TEP1: variants seen among roughly 807,000 people sequenced by gnomAD.
TEP1 encodes the protein telomerase associated protein 1, also known as telomerase protein component 1.
A neutral mutation model predicts 306.3 loss-of-function variants in TEP1; 241 were observed. The ratio of observed to expected loss-of-function variants is 0.79; its 90% CI spans 0.71 to 0.88. TEP1 has a LOEUF of 0.88. Ranked by LOEUF, TEP1 falls within the 40% of genes least tolerant of loss-of-function variation. The pLI is 0.00. For missense variants in TEP1, 3,051 were observed against 3,276.1 expected (o/e 0.93, Z 1.68); for synonymous variants, 1,289 against 1,305.5 (o/e 0.99, Z 0.27).
chr14:20,405,671 A>G, intron 3 of TEP1, 86 bp from the exon 4 acceptor site: 1 of 1,496,284 alleles, frequency 6.7e-7, no homozygotes, highest in South Asian at 1.3e-5. Context: ...TACAAAGTCA[A>G]GGACAGAGAG....
In TEP1 at chr14:20,380,321, G is replaced by A. The variant is rs1312932475; in HGVS notation, c.4917C>T (p.His1639=). 2 of 1,614,200 alleles carry A rather than the reference G, an allele frequency of 1.2e-6. No homozygotes were observed. Among genetic ancestry groups the A allele is most frequent in the Non-Finnish European group, 1.7e-6 (2 of 1,180,038 alleles). The change falls in exon 34 of 55, where the codon CAC becomes CAT. Residue 1639 remains histidine (H), a synonymous_variant. Transcript: ENST00000262715. ...ANQPLDSPLC[H]QASLLSRRWH... is the part of the protein sequence containing the mutation. Reference sequence around the variant, plus strand: ...ATCTCCGGGAGAGCAGCGAGGCTTGGTGGCAAAGAGGTGAGTCCAGGGGCT... The same window carrying A: ...ATCTCCGGGAGAGCAGCGAGGCTTGATGGCAAAGAGGTGAGTCCAGGGGCT...
intron 12 of TEP1, among the ~76,000 whole-genome samples, chr14:20,392,495 A>G (rs1877810919): frequency 6.6e-6 from 1 of 152,224 alleles, no homozygotes; most frequent in Non-Finnish European, 1.5e-5. Flanking sequence ...ACAAAAACAG[A>G]AAAACAAGTT....
At chr14:20,380,822 CT>C in intron 33 of TEP1, 108 bp downstream of exon 33, 1 of 946,010 alleles carries the variant, frequency 1.1e-6, no homozygotes, top group Non-Finnish European at 1.6e-6. Flanking sequence ...AAATTTGAAT[CT>C]TTTTTCCCTG....
rs367581679 is a variant in TEP1, at chr14:20,383,244, C to G, written c.3977G>C (p.Arg1326Pro). 1 of 1,614,018 alleles carries G rather than the reference C, an allele frequency of 6.2e-7. No individual in the cohort carries two copies. Among genetic ancestry groups the G allele is most frequent in the Non-Finnish European group, 8.5e-7 (1 of 1,179,990 alleles). The change falls in exon 27 of 55, where the codon CGG becomes CCG. Residue 1326 changes from arginine to proline, a missense_variant. Physicochemically the swap from Arg to Pro is moderately radical, Grantham distance 103. Coordinates refer to ENST00000262715, the MANE Select transcript of TEP1 (RefSeq NM_007110.5). ...CAGCTCCTCTCTCACCAGCCGGGCC[C>G]GAGCAGAGGCCTCCAGAGGCCCCAA... is the stretch of plus-strand genomic sequence containing the variant. The part of the protein sequence containing the change: ...LALGPLEASA[R>P]ARLVREELAL...
chr14:20,403,842 C>T lies in TEP1; in HGVS notation c.1075G>A (p.Ala359Thr), dbSNP rs34770935. Residue 359 changes from alanine to threonine, a missense_variant, in exon 6 of 55, where the codon GCC becomes ACC. Around this residue, in one of 3 missense-constraint regions of TEP1, gnomAD observed 1,507 missense variants for 1,550.5 expected, o/e 0.97. Transcript: ENST00000262715. Reference sequence around the variant, plus strand: ...TCCGTCATGGCAGTACGGAGACAGGCGGGCAGGGGCACCAGCTTATTCTTA... The same window carrying T: ...TCCGTCATGGCAGTACGGAGACAGGTGGGCAGGGGCACCAGCTTATTCTTA... ...GDKNKLVPLP[A>T]CLRTAMTDKF... 1,022 of 1,614,062 alleles carry T rather than the reference C, an allele frequency of 6.3e-4. 7 individuals are homozygous for T. In the African/African-American group the frequency reaches 0.011, roughly 17 times the overall value.
At position 20,389,294 on chromosome 14, in the gene TEP1, T is replaced by C; in HGVS notation, c.2469A>G (p.Ser823=). ...GILLRRVQYL[S]TDLNPNDVTL... ...TCACATCATTGGGATTCAAATCTGT[T>C]GACCTGGCAAAGGAAGAAGCAGTCA... The change falls in exon 17 of 55, where the codon TCA becomes TCG. Residue 823 remains serine (S), a synonymous_variant. Coordinates refer to ENST00000262715, the MANE Select transcript of TEP1 (RefSeq NM_007110.5). 1 of 1,614,212 alleles carries C rather than the reference T, an allele frequency of 6.2e-7. No homozygotes were observed. Among genetic ancestry groups the C allele is most frequent in the Non-Finnish European group, 8.5e-7 (1 of 1,180,020 alleles).
chr14:20,369,917 A>AGTTTTTT, intron 51 of TEP1, 138 bp from the exon 52 acceptor site: 1 of 589,364 alleles, frequency 1.7e-6, no homozygotes, highest in Non-Finnish European at 2.8e-6. Flanking sequence ...CAAGTGCGCA[A>AGTTTTTT]ATTTTTTTTT....
At chr14:20,401,241 A>C (rs1318141735) in intron 8 of TEP1, 100 bp from the exon 9 acceptor site, 1 of 1,447,686 alleles carries the variant, frequency 6.9e-7, no homozygotes, top group African/African-American at 1.4e-5. Flanking sequence ...GTCTGCCCAA[A>C]TATGCCTAAA....
At position 20,383,806 on chromosome 14, in the gene TEP1, C is replaced by G. The variant is rs763668337; in HGVS notation, c.3647G>C (p.Arg1216Thr). 1 of 1,610,304 alleles carries G rather than the reference C, an allele frequency of 6.2e-7. No homozygotes were observed. The highest frequency in any genetic ancestry group is 8.5e-7 in the Non-Finnish European group (1 of 1,179,344). ...GCCACGCAGATAGGTACAGAGGCGT[C>G]TGAGCAGAGTGAGGGCAAGACCCTG... is the stretch of plus-strand genomic sequence containing the variant. ...PDQGLALTLL[R>T]RLCTYLRGQL... The change falls in exon 25 of 55, where the codon AGA becomes ACA. Residue 1216 changes from arginine (R) to threonine (T), a missense_variant. Coordinates refer to ENST00000262715, the MANE Select transcript of TEP1 (RefSeq NM_007110.5).
At chr14:20,398,081 G>A (rs1317115388) in intron 9 of TEP1, among the ~76,000 whole-genome samples, 5 of 151,224 alleles carry the variant, frequency 3.3e-5, no homozygotes, top group Non-Finnish European at 7.4e-5. Flanking sequence ...ATATTTTTAA[G>A]GTTTATATCA....
In TEP1 at chr14:20,382,023, C is replaced by T; in HGVS notation, c.4314G>A (p.Trp1438Ter). 1.2e-6 allele frequency: 2 copies of T among 1,614,156 alleles called. No individual in the cohort carries two copies. Among genetic ancestry groups the T allele is most frequent in the Non-Finnish European group, 1.7e-6 (2 of 1,180,016 alleles). Reference sequence around the variant, plus strand: ...TCTTAGTCCCCTTCGGTAGTGTCCGCCACACACTCAGCACTCCGTGCAGCT... The same window carrying T: ...TCTTAGTCCCCTTCGGTAGTGTCCGTCACACACTCAGCACTCCGTGCAGCT... ...VDQLHGVLSV[W>*]RTLPKGTKSW... The change falls in exon 30 of 55, where the codon TGG (tryptophan) becomes TGA (stop). Residue 1438 changes from tryptophan to a stop codon, truncating the protein, a stop_gained. Transcript: ENST00000262715. LOFTEE classifies it high-confidence loss of function.
At chr14:20,379,248 T>G in intron 35 of TEP1, 143 bp from the exon 36 acceptor site, 1 of 1,116,666 alleles carries the variant, frequency 9.0e-7, no homozygotes, top group South Asian at 1.6e-5. Context: ...AAGCACACGT[T>G]CAAGTGGGGG....
At chr14:20,395,715 T>C in intron 11 of TEP1, 88 bp from the exon 12 acceptor site, 1 of 1,534,794 alleles carries the variant, frequency 6.5e-7, no homozygotes, top group Non-Finnish European at 8.9e-7. Flanking sequence ...CCCCAACCCT[T>C]GGGGCTGGCA....
In TEP1 at chr14:20,381,252, G is replaced by T. The variant is rs1876502046; in HGVS notation, c.4647+61C>A. The T allele has an allele frequency of 2.0e-6, 3 of 1,521,512 alleles. No individual in the cohort carries two copies. The highest frequency in any genetic ancestry group is 1.4e-5 in the African/African-American group (1 of 72,982). The allele number at this position is 1,521,512 out of a possible 1,614,324, so 94.3% of individuals were successfully genotyped here. A position where few individuals can be genotyped will look rare whatever the true frequency, so the allele number is the denominator to read the frequency against. The stretch of plus-strand genomic sequence containing the variant: ...TGGTGGAGATGGTAACGGGGAGAGG[G>T]GTCTCAGAGCAACCAAAGCACTCAC... On this transcript the variant is annotated intron_variant, in intron 32 of 54. Transcript: ENST00000262715. This position sits in a 1 kb window ranked among gnomAD's most constrained non-coding sequence, Gnocchi z 4.0.
intron 33 of TEP1, 83 bp downstream of exon 33, chr14:20,380,848 G>T: frequency 1.7e-6 from 2 of 1,208,922 alleles, no homozygotes; most frequent in Non-Finnish European, 2.4e-6. Context: ...CCACACCCCT[G>T]CCCCAACCCT....
intron 13 of TEP1, 39 bp from the exon 14 acceptor site, chr14:20,391,135 C>A: frequency 6.2e-7 from 1 of 1,601,880 alleles, no homozygotes; most frequent in South Asian, 1.1e-5. Flanking sequence ...AGCTCCCCTG[C>A]TTTGGAATTC....
At position 20,381,018 on chromosome 14, in the gene TEP1, A is replaced by G; in HGVS notation, c.4675T>C (p.Ser1559Pro). 6.2e-7 allele frequency: 1 copy of G among 1,614,128 alleles called. No homozygotes were observed. The highest frequency in any genetic ancestry group is 1.7e-5 in the Admixed American group (1 of 60,008). The part of the protein sequence containing the change: ...LLQSGNRGLL[S>P]KFLTNLHVVA... ...ACATGGAGGTTGGTAAGGAACTTCGAAAGAAGTCCACGGTTCCCGCTCTGG... is the reference window on the plus strand; with the variant it reads ...ACATGGAGGTTGGTAAGGAACTTCGGAAGAAGTCCACGGTTCCCGCTCTGG... Residue 1559 changes from serine to proline, a missense_variant, in exon 33 of 55, where the codon TCG (serine) becomes CCG (proline). Ser to Pro is a moderately conservative substitution (Grantham distance 74). Around this residue, in one of 3 missense-constraint regions of TEP1, gnomAD observed 1,540 missense variants for 1,705.9 expected, o/e 0.90. Coordinates refer to ENST00000262715, the MANE Select transcript of TEP1 (RefSeq NM_007110.5). The surrounding 1 kb of genome is among the most constrained non-coding windows in gnomAD (Gnocchi z 4.0).
In TEP1 at chr14:20,369,010, CTTT is replaced by C. The variant is rs754858941; in HGVS notation, c.7657-111_7657-109del. On this transcript the variant is annotated intron_variant, in intron 53 of 54. Coordinates refer to ENST00000262715, the MANE Select transcript of TEP1 (RefSeq NM_007110.5). ...CTACAGCCCTCCTCCCTTAGTATTT[CTTT>C]TTTTTTTTTTTGAGACAAGAGTCTC... 4.1e-3 allele frequency: 2,712 copies of C among 656,674 alleles called. 37 individuals are homozygous for C. The highest frequency in any genetic ancestry group is 0.039 in the African/African-American group (2,052 of 52,862). The allele number at this position is 656,674 out of a possible 1,614,324, so 40.7% of individuals were successfully genotyped here.
intron 20 of TEP1, among the ~76,000 whole-genome samples, 200 bp downstream of exon 20, chr14:20,385,875 C>G (rs1023990890): frequency 6.6e-6 from 1 of 152,310 alleles, no homozygotes; most frequent in African/African-American, 2.4e-5. Context: ...TTGCTCATGG[C>G]CAACCCCAGA....
Sources: gnomAD v4.1 joint callset for allele counts (sites outside exome capture counted in the v4.1 genomes callset) on GRCh38, gnomAD v4.1.1 for gene constraint, gnomAD v4.1.1 regional missense constraint, Gnocchi (gnomAD v3.1) non-coding constraint, MANE v1.5 for transcripts, NCBI Gene and HGNC (gene_info 2026-07-23, HGNC 2026-07-21) for gene names.